Variants in PRODH2 observed in about 807,000 individuals in gnomAD.
PRODH2 encodes the protein hydroxyproline dehydrogenase.
Under a neutral mutation model 51.9 loss-of-function variants are expected in PRODH2, and 49 were observed. The ratio of observed to expected loss-of-function variants is 0.94; its 90% CI spans 0.75 to 1.20. The LOEUF (loss-of-function observed/expected upper bound fraction) is 1.20, where lower values mean the gene tolerates loss of function less well. Ranked by LOEUF, PRODH2 falls within the 50% of genes most tolerant of loss-of-function variation. The pLI, the probability that PRODH2 is intolerant of heterozygous loss-of-function variation, is 0.00. For synonymous variants in PRODH2, 249 were observed against 260.7 expected (o/e 0.96, Z 0.43); for missense variants, 597 against 610.9 (o/e 0.98, Z 0.24).
chr19:35,804,451 A>G (rs988960952), intron 7 of PRODH2, among the ~76,000 whole-genome samples: 5 of 152,158 alleles, frequency 3.3e-5, no homozygotes, highest in Middle Eastern at 3.2e-3. Context: ...TCACTCATCT[A>G]ATTCCCACAT....
intron 5 of PRODH2, 75 bp from the exon 6 acceptor site, chr19:35,806,905 G>T (rs1441236887): frequency 1.9e-6 from 3 of 1,550,456 alleles, no homozygotes; most frequent in Non-Finnish European, 2.6e-6. Flanking sequence ...CAGCAGGAGG[G>T]GTTACCTGTG....
Position 35,802,085 on chromosome 19 carries a change from C to T in PRODH2, c.1198+106G>A, listed in dbSNP as rs548389854. ...ACAGACACTGGAATGACAGATCTCT[C>T]TGGAAGGATCTGGAGGCTGGGCCTT... is the stretch of plus-strand genomic sequence containing the variant. On this transcript the variant is annotated intron_variant, in intron 9 of 9. Transcript: ENST00000653904. 1.1e-5 allele frequency: 11 copies of T among 1,030,458 alleles called. No individual in the cohort carries two copies. The South Asian group carries it at 1.3e-4, about 12-fold the overall frequency. The allele number at this position is 1,030,458 out of a possible 1,614,324, so 63.8% of individuals were successfully genotyped here.
In PRODH2 at chr19:35,806,869, C is replaced by T. The variant is rs770800683; in HGVS notation, c.679-39G>A. On this transcript the variant is annotated intron_variant, in intron 5 of 9. Coordinates refer to ENST00000653904, the MANE Select transcript of PRODH2 (RefSeq NM_021232.2). Reference sequence around the variant, plus strand: ...AGACGACGGTCAGGGCCCCGGGTGTCCAGCAGGGGCAGTGGAGCCAGATCC... The same window carrying T: ...AGACGACGGTCAGGGCCCCGGGTGTTCAGCAGGGGCAGTGGAGCCAGATCC... The T allele has an allele frequency of 5.8e-6, 9 of 1,561,174 alleles. No homozygotes were observed. The African/African-American group carries it at 1.2e-4, about 21-fold the overall frequency.
At chr19:35,803,131 G>C in intron 7 of PRODH2, 53 bp from the exon 8 acceptor site, 2 of 1,330,708 alleles carry the variant, frequency 1.5e-6, no homozygotes, top group African/African-American at 1.5e-5. Flanking sequence ...TCAGGCCCCA[G>C]CGACTGGGGT....
chr19:35,802,179 C>A lies in PRODH2; in HGVS notation c.1198+12G>T. The stretch of plus-strand genomic sequence containing the variant: ...CTGGGGCTTGATGGGGGTGGGGGAG[C>A]CATTCACATACCCAGTGCTAGAGAG... On this transcript the variant is annotated intron_variant, in intron 9 of 9. Transcript: ENST00000653904. 1 of 1,612,936 alleles carries A rather than the reference C, an allele frequency of 6.2e-7. No individual in the cohort carries two copies.
At position 35,812,388 on chromosome 19, in the gene PRODH2, C is replaced by A; in HGVS notation, c.343G>T (p.Glu115Ter). ...LRPLLAVPTE[E>*]EPDSAAKSGE... ...CTCTTGGCAGCAGAGTCCGGCTCCT[C>A]CTCAGTGGGCACTGCCAGCAGTGGT... Residue 115 changes from glutamate to a stop codon, truncating the protein, a stop_gained, in exon 2 of 10, where the codon GAG becomes TAG. Transcript: ENST00000653904. LOFTEE classifies it high-confidence loss of function. 1.2e-6 allele frequency: 2 copies of A among 1,613,964 alleles called. No individual in the cohort carries two copies. Among genetic ancestry groups the A allele is most frequent in the Non-Finnish European group, 1.7e-6 (2 of 1,179,854 alleles).
At chr19:35,808,231 C>G (rs919819858) in intron 4 of PRODH2, among the ~76,000 whole-genome samples, 2 of 152,222 alleles carry the variant, frequency 1.3e-5, no homozygotes, top group African/African-American at 2.4e-5. Context: ...TTCTAACTCA[C>G]AGTCTTATGC....
At chr19:35,809,884 G>A (rs968354468) in intron 4 of PRODH2, among the ~76,000 whole-genome samples, 9 of 148,514 alleles carry the variant, frequency 6.1e-5, no homozygotes, top group South Asian at 4.3e-4. Context: ...GTTTGAACCC[G>A]GGAGGCGGAG....
intron 9 of PRODH2, chr19:35,801,970 A>G (rs1480841858): frequency 2.1e-5 from 12 of 562,754 alleles, no homozygotes; most frequent in Non-Finnish European, 3.5e-5. Context: ...CACAGTAAAG[A>G]TAACAAAACA....
chr19:35,801,791 C>T (rs563794535), intron 9 of PRODH2: 20 of 190,086 alleles, frequency 1.1e-4, no homozygotes, highest in Non-Finnish European at 1.3e-4. Context: ...TCCACCTCTG[C>T]GAAGTTGGGG....
chr19:35,806,091 G>T (rs930840303), intron 7 of PRODH2, among the ~76,000 whole-genome samples: 1 of 151,998 alleles, frequency 6.6e-6, no homozygotes, highest in African/African-American at 2.4e-5. Context: ...TTGTTTGTTT[G>T]TTTGTTTGTT....
At chr19:35,809,100 A>C (rs4045926) in intron 4 of PRODH2, among the ~76,000 whole-genome samples, 1,488 of 133,854 alleles carry the variant, frequency 0.011, 28 homozygotes, top group African/African-American at 0.04. Flanking sequence ...TTCTTTCTTT[A>C]TTTCTTTCTT....
At chr19:35,803,356 G>A (rs887376521) in intron 7 of PRODH2, among the ~76,000 whole-genome samples, 1 of 152,136 alleles carries the variant, frequency 6.6e-6, no homozygotes, top group Non-Finnish European at 1.5e-5. Flanking sequence ...CCAGGTTCAA[G>A]GGATTCTCCT....
intron 9 of PRODH2, among the ~76,000 whole-genome samples, chr19:35,801,464 T>G (rs1411440738): frequency 1.3e-5 from 2 of 151,748 alleles, no homozygotes; most frequent in Non-Finnish European, 2.9e-5. Context: ...AGACTCTGTC[T>G]CAAAATAAAT....
At chr19:35,812,097 C>T (rs749665416) in intron 3 of PRODH2, 37 bp downstream of exon 3, 14 of 1,613,324 alleles carry the variant, frequency 8.7e-6, no homozygotes, top group Middle Eastern at 1.6e-4. Flanking sequence ...GATGGGCAGC[C>T]GCGCCCTCCC....
intron 4 of PRODH2, among the ~76,000 whole-genome samples, chr19:35,808,384 C>A (rs143161060): frequency 2.6e-5 from 4 of 152,226 alleles, no homozygotes; most frequent in Middle Eastern, 3.4e-3. Context: ...TGACATAGGC[C>A]TGGGCTTGCT....
In PRODH2 at chr19:35,802,540, A is replaced by G. The variant is rs951134800; in HGVS notation, c.1113-264T>C. The G allele has an allele frequency of 1.4e-4, 75 of 548,602 alleles. 1 individual carries two copies. In the Admixed American group the frequency reaches 2.3e-3, roughly 17 times the overall value. 34.0% of individuals were successfully genotyped at this position (548,602 alleles called of 1,614,324 possible). A position where few individuals can be genotyped will look rare whatever the true frequency, so the allele number is the denominator to read the frequency against. Reference sequence around the variant, plus strand: ...CTGGGACCTATAAGGACTTACAGGTATAGCAGGGGTTAATGTGTTTGTTTG... The same window carrying G: ...CTGGGACCTATAAGGACTTACAGGTGTAGCAGGGGTTAATGTGTTTGTTTG... On this transcript the variant is annotated intron_variant, in intron 8 of 9. Coordinates refer to ENST00000653904, the MANE Select transcript of PRODH2 (RefSeq NM_021232.2).
intron 9 of PRODH2, 31 bp from the exon 10 acceptor site, chr19:35,800,253 T>C: frequency 1.3e-6 from 2 of 1,506,110 alleles, no homozygotes; most frequent in Non-Finnish European, 1.8e-6. Flanking sequence ...GTTTTTTCGT[T>C]TTTGGTGTTT....
At chr19:35,802,107 C>G in intron 9 of PRODH2, 84 bp downstream of exon 9, 1 of 1,284,748 alleles carries the variant, frequency 7.8e-7, no homozygotes, top group Admixed American at 1.7e-5. Flanking sequence ...GGAGGCTGGG[C>G]CTTGGTTGGG....
Sources: allele counts gnomAD v4.1 joint callset (sites outside exome capture counted in the v4.1 genomes callset), GRCh38; gene constraint gnomAD v4.1.1; transcripts MANE v1.5; gene names NCBI Gene and HGNC (gene_info 2026-07-23, HGNC 2026-07-21).